Variants in AGAP1 observed in about 807,000 individuals in gnomAD.
AGAP1 encodes the protein arf-GAP with GTPase, ANK repeat and PH domain-containing protein 1.
AGAP1 carries 29 observed loss-of-function variants against 105.3 expected under a neutral mutation model. The ratio of observed to expected loss-of-function variants is 0.28; its 90% CI spans 0.21 to 0.38. The LOEUF is 0.38. Ranked by LOEUF, AGAP1 falls within the 10% of genes least tolerant of loss-of-function variation. AGAP1 has a pLI of 1.00. For missense variants in AGAP1, 998 were observed against 1,165.1 expected (o/e 0.86, Z 2.09); for synonymous variants, 509 against 485.9 (o/e 1.05, Z -0.63).
At chr2:236,118,450 C>T (rs1051991816) in intron 16 of AGAP1, among the ~76,000 whole-genome samples, 15 of 143,912 alleles carry the variant, frequency 1.0e-4, no homozygotes, top group Admixed American at 5.1e-4. Flanking sequence ...AGTGCAGTGG[C>T]GCAATCTCAG....
rs1943993319 is a variant in AGAP1, at chr2:235,556,959, A to G, written c.163+62110A>G. Among the ~76,000 whole-genome samples, 1 of 152,096 alleles carries G rather than the reference A, an allele frequency of 6.6e-6. No individual in the cohort carries two copies. Among genetic ancestry groups the G allele is most frequent in the South Asian group, 2.1e-4 (1 of 4,824 alleles). ...TAAATCCAGGTTTGATCATTTTCTG[A>G]GGATATAGCGTTTAGTGCACACCTC... On this transcript the variant is annotated intron_variant, in intron 1 of 17. Coordinates refer to ENST00000304032, the MANE Select transcript of AGAP1 (RefSeq NM_001037131.3). The surrounding 1 kb of genome is among the most constrained non-coding windows in gnomAD (Gnocchi z 5.3).
In AGAP1 at chr2:235,889,840, G is replaced by A. The variant is rs546316074; in HGVS notation, c.1155+6391G>A. On this transcript the variant is annotated intron_variant, in intron 10 of 17. Transcript: ENST00000304032. The surrounding 1 kb of genome is among the most constrained non-coding windows in gnomAD (Gnocchi z 4.6). ...TTATGGAATAGCCAGGTCATAGGATGTGATAATTTCCCTGGAAATCAGAGG... is the reference window on the plus strand; with the variant it reads ...TTATGGAATAGCCAGGTCATAGGATATGATAATTTCCCTGGAAATCAGAGG... 6.6e-6 allele frequency among the ~76,000 whole-genome samples: 1 copy of A among 152,292 alleles called. No individual in the cohort carries two copies. The highest frequency in any genetic ancestry group is 2.1e-4 in the South Asian group (1 of 4,818).
At position 235,982,920 on chromosome 2, in the gene AGAP1, G is replaced by T. The variant is rs146651255; in HGVS notation, c.1645+14297G>T. 3.1e-3 allele frequency among the ~76,000 whole-genome samples: 476 copies of T among 152,322 alleles called. 3 individuals are homozygous for T. The highest frequency in any genetic ancestry group is 5.2e-3 in the Non-Finnish European group (355 of 68,028). ...TTCTTTTACTTGAGTTCTGAGACAA[G>T]ATTTGATACCCATTCATTTATAGGC... On this transcript the variant is annotated intron_variant, in intron 13 of 17. Transcript: ENST00000304032. The surrounding 1 kb of genome is among the most constrained non-coding windows in gnomAD (Gnocchi z 4.9).
At chr2:235,911,312 G>A (rs1210251119) in intron 11 of AGAP1, among the ~76,000 whole-genome samples, 2 of 152,140 alleles carry the variant, frequency 1.3e-5, no homozygotes, top group Non-Finnish European at 2.9e-5. Context: ...ACAGGCCCCA[G>A]GAGGGCTGTG....
In AGAP1 at chr2:235,661,102, C is replaced by G. The variant is rs558204244; in HGVS notation, c.164-48077C>G. Among the ~76,000 whole-genome samples the G allele has an allele frequency of 6.6e-5, 10 of 152,202 alleles. No homozygotes were observed. The South Asian group carries it at 2.1e-3, about 32-fold the overall frequency. On this transcript the variant is annotated intron_variant, in intron 1 of 17. Transcript: ENST00000304032. The stretch of plus-strand genomic sequence containing the variant: ...ATGGTTTACTGAGAGTAGGCTACGT[C>G]TGGGGGTGGGTCAGCAAGGACGTGT...
chr2:235,822,000 C>G (rs974469243), intron 9 of AGAP1, among the ~76,000 whole-genome samples: 1 of 152,240 alleles, frequency 6.6e-6, no homozygotes, highest in African/African-American at 2.4e-5. Context: ...TCCTGGTGCT[C>G]TGTACCAGAG....
chr2:236,066,044 C>T (rs1171243503), intron 16 of AGAP1, among the ~76,000 whole-genome samples: 2 of 152,198 alleles, frequency 1.3e-5, no homozygotes, highest in African/African-American at 4.8e-5. Flanking sequence ...TCAGTAATGG[C>T]TTGCCCATGT....
chr2:235,936,042 A>G lies in AGAP1; in HGVS notation c.1483+5119A>G, dbSNP rs1263324187. Among the ~76,000 whole-genome samples, 2 of 152,138 alleles carry G rather than the reference A, an allele frequency of 1.3e-5. No homozygotes were observed. Among genetic ancestry groups the G allele is most frequent in the Admixed American group, 6.5e-5 (1 of 15,278 alleles). On this transcript the variant is annotated intron_variant, in intron 12 of 17. Transcript: ENST00000304032. This position sits in a 1 kb window ranked among gnomAD's most constrained non-coding sequence, Gnocchi z 4.7. ...GGTGGTCTCAGCTAATGCTGTTGCC[A>G]TGGCAGCCTCGCTCCCCCAGCCCTG...
At position 236,120,228 on chromosome 2, in the gene AGAP1, G is replaced by T. The variant is rs1203171053; in HGVS notation, c.2151G>T (p.Glu717Asp). The T allele has an allele frequency of 5.6e-6, 9 of 1,613,314 alleles. 1 individual carries two copies. In the South Asian group the frequency reaches 9.9e-5, roughly 18 times the overall value. The change falls in exon 17 of 18, where the codon GAG (glutamate) becomes GAT (aspartate). Residue 717 changes from glutamate to aspartate, a missense_variant. Physicochemically the swap from Glu to Asp is conservative, Grantham distance 45. Around this residue, in one of 3 missense-constraint regions of AGAP1, gnomAD observed 235 missense variants for 270.7 expected, o/e 0.87. Transcript: ENST00000304032. The surrounding 1 kb of genome is among the most constrained non-coding windows in gnomAD (Gnocchi z 6.0). ...EKERWIRAKY[E>D]QKLFLAPLPC... Reference sequence around the variant, plus strand: ...AACGGTGGATCCGTGCCAAGTACGAGCAGAAGCTCTTCCTGGCCCCGCTGC... The same window carrying T: ...AACGGTGGATCCGTGCCAAGTACGATCAGAAGCTCTTCCTGGCCCCGCTGC...
At chr2:235,567,397 C>G (rs1944380602) in intron 1 of AGAP1, among the ~76,000 whole-genome samples, 1 of 152,194 alleles carries the variant, frequency 6.6e-6, no homozygotes, top group African/African-American at 2.4e-5. Flanking sequence ...GGAGATGGGC[C>G]CTGGGCGTCA....
In AGAP1 at chr2:236,120,897, C is replaced by A. The variant is rs570983647; in HGVS notation, c.2370+450C>A. 6.6e-6 allele frequency among the ~76,000 whole-genome samples: 1 copy of A among 152,220 alleles called. No individual in the cohort carries two copies. The highest frequency in any genetic ancestry group is 2.4e-5 in the African/African-American group (1 of 41,454). The stretch of plus-strand genomic sequence containing the variant: ...TTCGAACCATTCTGATTAATTTCTA[C>A]TGGGGAAAAGTATTATTTACATTCC... On this transcript the variant is annotated intron_variant, in intron 17 of 17. Coordinates refer to ENST00000304032, the MANE Select transcript of AGAP1 (RefSeq NM_001037131.3). The surrounding 1 kb of genome is among the most constrained non-coding windows in gnomAD (Gnocchi z 6.0).
intron 1 of AGAP1, among the ~76,000 whole-genome samples, chr2:235,681,113 G>A (rs966809230): frequency 5.9e-5 from 9 of 151,606 alleles, no homozygotes; most frequent in African/African-American, 1.5e-4. Context: ...GGTTCACACC[G>A]TTCTCCTGCC....
intron 13 of AGAP1, among the ~76,000 whole-genome samples, chr2:236,007,227 G>A (rs902746901): frequency 4.6e-5 from 7 of 152,190 alleles, no homozygotes; most frequent in Admixed American, 2.0e-4. Flanking sequence ...CAAGCCACAC[G>A]TCAGGATACT....
At chr2:235,694,338 G>A (rs1235545330) in intron 1 of AGAP1, among the ~76,000 whole-genome samples, 1 of 152,074 alleles carries the variant, frequency 6.6e-6, no homozygotes, top group Non-Finnish European at 1.5e-5. Context: ...AGTTAGCTGG[G>A]CGTGGTGGCG....
intron 16 of AGAP1, among the ~76,000 whole-genome samples, chr2:236,052,667 A>AG (rs2057938055): frequency 6.6e-6 from 1 of 152,126 alleles, no homozygotes; most frequent in South Asian, 2.1e-4. Context: ...ACTCCCAGGA[A>AG]GAAAAAAAAA....
intron 1 of AGAP1, among the ~76,000 whole-genome samples, chr2:235,585,186 C>T (rs748396969): frequency 6.6e-6 from 1 of 152,092 alleles, no homozygotes; most frequent in Admixed American, 6.5e-5. Context: ...TATTACAGTT[C>T]GGAAGCTCAG....
rs2056205495 is a variant in AGAP1, at chr2:236,003,469, T to G, written c.1646-33092T>G. On this transcript the variant is annotated intron_variant, in intron 13 of 17. Transcript: ENST00000304032. The surrounding 1 kb of genome is among the most constrained non-coding windows in gnomAD (Gnocchi z 4.2). ...CACCTCTGTGTGTGGTCGCACGTCC[T>G]CCTCATGGCCACGCTGGGATGGAGG... Among the ~76,000 whole-genome samples, 1 of 152,224 alleles carries G rather than the reference T, an allele frequency of 6.6e-6. No individual in the cohort carries two copies. Among genetic ancestry groups the G allele is most frequent in the African/African-American group, 2.4e-5 (1 of 41,456 alleles).
At chr2:235,758,146 ATG>A (rs1294984835) in intron 6 of AGAP1, among the ~76,000 whole-genome samples, 2 of 151,966 alleles carry the variant, frequency 1.3e-5, no homozygotes, top group Non-Finnish European at 2.9e-5. Context: ...GCATGCGTGC[ATG>A]TGTGTGTGTA....
intron 13 of AGAP1, among the ~76,000 whole-genome samples, chr2:235,999,001 G>A (rs969715867): frequency 1.3e-5 from 2 of 151,446 alleles, no homozygotes; most frequent in South Asian, 2.1e-4. Context: ...GGTGATTGTG[G>A]TGACAGTGGT....
Sources: allele counts gnomAD v4.1 joint callset (sites outside exome capture counted in the v4.1 genomes callset), GRCh38; gene constraint gnomAD v4.1.1; regional missense constraint gnomAD v4.1.1; non-coding constraint Gnocchi (gnomAD v3.1); transcripts MANE v1.5; gene names NCBI Gene and HGNC (gene_info 2026-07-23, HGNC 2026-07-21).